Variants in MAPK10 observed in about 807,000 individuals in gnomAD.
MAPK10 encodes JNK3 alpha protein kinase.
MAPK10 carries 25 observed loss-of-function variants against 59.3 expected under a neutral mutation model. The ratio of observed to expected loss-of-function variants is 0.42; its 90% CI spans 0.31 to 0.59. The LOEUF (loss-of-function observed/expected upper bound fraction) is 0.59, where lower values mean the gene tolerates loss of function less well. Ranked by LOEUF, MAPK10 falls within the 20% of genes least tolerant of loss-of-function variation. The pLI is 0.15. For synonymous variants in MAPK10, 190 were observed against 200.5 expected (o/e 0.95, Z 0.44); for missense variants, 351 against 568.9 (o/e 0.62, Z 3.90).
intron 1 of MAPK10, among the ~76,000 whole-genome samples, chr4:86,486,716 A>G (rs1754023836): frequency 6.6e-6 from 1 of 152,218 alleles, no homozygotes; most frequent in South Asian, 2.1e-4. Flanking sequence ...CAGGGGGAAA[A>G]GTTAGATGAG....
intron 2 of MAPK10, among the ~76,000 whole-genome samples, chr4:86,218,341 C>T (rs759062113): frequency 9.9e-5 from 15 of 152,106 alleles, no homozygotes; most frequent in Middle Eastern, 3.4e-3. Context: ...CCACCACGCC[C>T]GCCTAATTTT....
chr4:86,107,492 CT>C, intron 4 of MAPK10, 140 bp from the exon 5 acceptor site: 6 of 1,338,402 alleles, frequency 4.5e-6, no homozygotes, highest in Non-Finnish European at 5.7e-6. Flanking sequence ...GCCAATCAGG[CT>C]TTAAGTAAAG....
upstream of MAPK10, among the ~76,000 whole-genome samples, chr4:86,363,067 A>G (rs1737263250): frequency 6.6e-6 from 1 of 152,196 alleles, no homozygotes; most frequent in Admixed American, 6.5e-5. Context: ...ACAGCAGATA[A>G]TTATGATATA....
intron 9 of MAPK10, among the ~76,000 whole-genome samples, chr4:86,068,372 G>A (rs2047133707): frequency 6.6e-6 from 1 of 151,854 alleles, no homozygotes; most frequent in Non-Finnish European, 1.5e-5. Flanking sequence ...TTTTTAAAAT[G>A]ACAAATACAC....
At chr4:86,145,012 A>G (rs1312129093) in intron 4 of MAPK10, among the ~76,000 whole-genome samples, 1 of 152,180 alleles carries the variant, frequency 6.6e-6, no homozygotes, top group Non-Finnish European at 1.5e-5. Context: ...AAAAAACAAA[A>G]AAGATATCAA....
At chr4:86,217,183 A>C (rs1039412154) in intron 2 of MAPK10, among the ~76,000 whole-genome samples, 6 of 152,118 alleles carry the variant, frequency 3.9e-5, no homozygotes, top group Admixed American at 6.6e-5. Context: ...ACATCTTAAA[A>C]ATTGCCTCTT....
rs191283305 is a variant in MAPK10, at chr4:86,186,136, C to T, written c.66+8200G>A. ...GCTCTCAGTGCTTTGCAAGTATAAA[C>T]TCATTTAATTCTCATAACAAGCCTA... is the stretch of plus-strand genomic sequence containing the variant. On this transcript the variant is annotated intron_variant, in intron 3 of 13. Coordinates refer to ENST00000641462, the MANE Select transcript of MAPK10 (RefSeq NM_138982.4). Among the ~76,000 whole-genome samples the T allele has an allele frequency of 1.1e-3, 162 of 152,194 alleles. 2 individuals carry two copies. Among genetic ancestry groups the T allele is most frequent in the Non-Finnish European group, 7.8e-4 (53 of 67,984 alleles).
At chr4:86,197,442 G>A (rs981926160) in intron 2 of MAPK10, among the ~76,000 whole-genome samples, 5 of 152,110 alleles carry the variant, frequency 3.3e-5, no homozygotes, top group Admixed American at 2.6e-4. Flanking sequence ...TTGCTTATCA[G>A]CTTAAGGAGA....
intron 11 of MAPK10, among the ~76,000 whole-genome samples, chr4:86,046,488 G>A (rs1240174606): frequency 1.3e-5 from 2 of 150,782 alleles, no homozygotes; most frequent in Admixed American, 1.3e-4. Context: ...CTGAGACAAT[G>A]GGGTTTTCTA....
intron 2 of MAPK10, among the ~76,000 whole-genome samples, chr4:86,342,609 A>G (rs139983347): frequency 3.9e-5 from 6 of 152,362 alleles, no homozygotes; most frequent in Admixed American, 1.3e-4. Flanking sequence ...TACATTTTAC[A>G]TATGGAGAAA....
intron 3 of MAPK10, among the ~76,000 whole-genome samples, chr4:86,186,890 C>T (rs562790729): frequency 3.9e-5 from 6 of 152,266 alleles, no homozygotes; most frequent in Non-Finnish European, 8.8e-5. Flanking sequence ...CAACTCTTAT[C>T]TAGTCCATGC....
intron 1 of MAPK10, among the ~76,000 whole-genome samples, chr4:86,387,326 A>G (rs981755491): frequency 4.6e-5 from 7 of 152,304 alleles, no homozygotes; most frequent in Admixed American, 6.5e-5. Flanking sequence ...AATTTTGCCA[A>G]TGATTTTCTG....
chr4:86,133,994 G>A (rs1016713824), intron 4 of MAPK10, among the ~76,000 whole-genome samples: 1 of 152,128 alleles, frequency 6.6e-6, no homozygotes, highest in Non-Finnish European at 1.5e-5. Context: ...ATATTCCTAA[G>A]AAATGTTCAT....
chr4:86,435,063 A>G (rs896656668), intron 1 of MAPK10, among the ~76,000 whole-genome samples: 1 of 152,236 alleles, frequency 6.6e-6, no homozygotes, highest in African/African-American at 2.4e-5. Context: ...TATCACATTC[A>G]TATGCGGGAT....
chr4:86,353,667 G>A (rs957565212), intron 2 of MAPK10, among the ~76,000 whole-genome samples: 1 of 152,014 alleles, frequency 6.6e-6, no homozygotes. Flanking sequence ...TCAGTCTTCC[G>A]CAGTCATAGG....
intron 2 of MAPK10, among the ~76,000 whole-genome samples, chr4:86,311,035 TACACACACACACACACACAC>T (rs143712904): frequency 7.0e-6 from 1 of 141,882 alleles, no homozygotes; most frequent in South Asian, 2.3e-4. Context: ...AGTTTTAAGT[TACACACACACACACACACAC>T]ACACACACAC....
At chr4:86,471,778 C>CA (rs1554269790) in intron 1 of MAPK10, among the ~76,000 whole-genome samples, 33 of 151,628 alleles carry the variant, frequency 2.2e-4, no homozygotes, top group Admixed American at 2.0e-3. Context: ...CTATGTTTTC[C>CA]TTTTTTTTCA....
intron 1 of MAPK10, among the ~76,000 whole-genome samples, chr4:86,408,545 C>A (rs896142200): frequency 6.6e-6 from 1 of 152,166 alleles, no homozygotes; most frequent in African/African-American, 2.4e-5. Flanking sequence ...TATTTCTCCA[C>A]ATCCTCTCCA....
chr4:86,509,077 A>C (rs1169867495), intron 1 of MAPK10, among the ~76,000 whole-genome samples: 1 of 151,934 alleles, frequency 6.6e-6, no homozygotes, highest in Non-Finnish European at 1.5e-5. Flanking sequence ...TAACTTTTTC[A>C]TTTGTGTTAA....
Sources: gnomAD v4.1 joint callset for allele counts (sites outside exome capture counted in the v4.1 genomes callset) on GRCh38, gnomAD v4.1.1 for gene constraint, MANE v1.5 for transcripts, NCBI Gene and HGNC (gene_info 2026-07-23, HGNC 2026-07-21) for gene names.